The following ADAMTSL1 variants were observed in gnomAD, a reference collection of about 807,000 sequenced individuals.
ADAMTSL1 encodes ADAMTS-like protein 1.
In ADAMTSL1, 126 loss-of-function variants were observed where a neutral mutation model predicts 201.8. The observed-to-expected ratio is 0.62, with a 90% CI of 0.54 to 0.72. The LOEUF (loss-of-function observed/expected upper bound fraction) is 0.72, where lower values mean the gene tolerates loss of function less well. Ranked by LOEUF, ADAMTSL1 falls within the 30% of genes least tolerant of loss-of-function variation. ADAMTSL1 has a pLI of 0.00. For missense variants in ADAMTSL1, 2,679 were observed against 2,277.8 expected, an observed-to-expected ratio of 1.18 and a Z score of -3.59; for synonymous variants, 1,121 against 903.4, an observed-to-expected ratio of 1.24 and a Z score of -4.32.
chr9:18,825,585 A>C (rs993732948), intron 21 of ADAMTSL1, among the ~76,000 whole-genome samples: 1 of 152,088 alleles, frequency 6.6e-6, no homozygotes, highest in Non-Finnish European at 1.5e-5. Context: ...TGCACTTTTT[A>C]TTAAAATATA....
At chr9:18,238,077 G>T (rs1374964213) in intron 2 of ADAMTSL1, among the ~76,000 whole-genome samples, 1 of 152,186 alleles carries the variant, frequency 6.6e-6, no homozygotes, top group East Asian at 1.9e-4. Flanking sequence ...TCTTAAGAAA[G>T]CCACTTTTTG....
chr9:18,434,310 A>T (rs1286743738), intron 2 of ADAMTSL1, among the ~76,000 whole-genome samples: 2 of 152,194 alleles, frequency 1.3e-5, no homozygotes, highest in Admixed American at 1.3e-4. Context: ...AAATGATATT[A>T]TTCCCAGAAG....
intron 14 of ADAMTSL1, among the ~76,000 whole-genome samples, chr9:18,711,089 C>T (rs1022852473): frequency 6.6e-6 from 1 of 152,030 alleles, no homozygotes; most frequent in East Asian, 1.9e-4. Flanking sequence ...GCTGCAGAAG[C>T]CTGAAAATGA....
At chr9:18,617,153 A>G (rs1474844866) in intron 4 of ADAMTSL1, among the ~76,000 whole-genome samples, 1 of 152,230 alleles carries the variant, frequency 6.6e-6, no homozygotes, top group African/African-American at 2.4e-5. Context: ...TGCTAGATTG[A>G]GTTCCTTATG....
At chr9:18,147,326 T>G (rs1826689357) in intron 1 of ADAMTSL1, among the ~76,000 whole-genome samples, 1 of 152,096 alleles carries the variant, frequency 6.6e-6, no homozygotes, top group Non-Finnish European at 1.5e-5. Context: ...AATAGTATAA[T>G]ATTTTAGTTA....
At chr9:18,647,216 G>A (rs960734684) in intron 7 of ADAMTSL1, among the ~76,000 whole-genome samples, 1 of 152,140 alleles carries the variant, frequency 6.6e-6, no homozygotes, top group African/African-American at 2.4e-5. Context: ...TTGTATTTCT[G>A]TGGGATCGGT....
intron 2 of ADAMTSL1, among the ~76,000 whole-genome samples, chr9:18,287,333 A>G (rs1833029498): frequency 1.3e-5 from 2 of 151,182 alleles, no homozygotes; most frequent in South Asian, 4.2e-4. Context: ...ACACACACAC[A>G]CGTGTGTGTA....
chr9:18,827,178 T>A (rs2078453), intron 22 of ADAMTSL1, among the ~76,000 whole-genome samples: 20,378 of 94,554 alleles, frequency 0.22, 1,772 homozygotes, highest in East Asian at 0.52. Context: ...AAAAAAAAAA[T>A]TTTTTTTGGC....
intron 2 of ADAMTSL1, among the ~76,000 whole-genome samples, chr9:18,323,364 A>C (rs753340213): frequency 1.3e-5 from 2 of 152,220 alleles, no homozygotes; most frequent in African/African-American, 4.8e-5. Flanking sequence ...CTTTTGGCAA[A>C]TTAGAAAGAG....
At chr9:18,702,283 A>G (rs1332832273) in intron 13 of ADAMTSL1, among the ~76,000 whole-genome samples, 1 of 152,244 alleles carries the variant, frequency 6.6e-6, no homozygotes, top group African/African-American at 2.4e-5. Context: ...GTTACAGGCC[A>G]TGTAGACATA....
At chr9:18,196,236 G>T (rs1829173448) in intron 2 of ADAMTSL1, among the ~76,000 whole-genome samples, 1 of 151,996 alleles carries the variant, frequency 6.6e-6, no homozygotes, top group South Asian at 2.1e-4. Context: ...CCATTTGGCT[G>T]GGAATTAGAT....
chr9:18,757,295 C>T (rs551985011), intron 16 of ADAMTSL1, among the ~76,000 whole-genome samples: 8 of 152,188 alleles, frequency 5.3e-5, no homozygotes, highest in South Asian at 2.1e-4. Context: ...ATACACTCAT[C>T]ATCATCCTCC....
chr9:18,169,366 C>T (rs1465556900), intron 2 of ADAMTSL1, among the ~76,000 whole-genome samples: 1 of 151,990 alleles, frequency 6.6e-6, no homozygotes, highest in East Asian at 1.9e-4. Context: ...TTCCCAGCAC[C>T]ACTTATTAAA....
At chr9:18,098,306 T>G (rs931305940) in intron 1 of ADAMTSL1, among the ~76,000 whole-genome samples, 4 of 152,168 alleles carry the variant, frequency 2.6e-5, no homozygotes, top group Non-Finnish European at 5.9e-5. Flanking sequence ...CATTTCCATA[T>G]AAGGTTTATA....
chr9:18,776,887 C>T lies in ADAMTSL1; in HGVS notation c.2658C>T (p.Phe886=). The change falls in exon 19 of 29, where the codon TTC becomes TTT. Residue 886 remains phenylalanine (F), a synonymous_variant. Coordinates refer to ENST00000380548, the MANE Select transcript of ADAMTSL1 (RefSeq NM_001040272.6). ...QRKLHFVVGG[F]AYLLPKTAVV... is the part of the protein sequence containing the mutation. ...AGCTGCACTTCGTGGTGGGGGGCTTCGCCTACCTGCTCCCCAAGACGGCGG... is the reference window on the plus strand; with the variant it reads ...AGCTGCACTTCGTGGTGGGGGGCTTTGCCTACCTGCTCCCCAAGACGGCGG... 1 of 1,611,240 alleles carries T rather than the reference C, an allele frequency of 6.2e-7. No homozygotes were observed. The highest frequency in any genetic ancestry group is 8.5e-7 in the Non-Finnish European group (1 of 1,179,166).
At chr9:18,893,169 CA>C (rs1563896299) in intron 26 of ADAMTSL1, among the ~76,000 whole-genome samples, 2 of 152,090 alleles carry the variant, frequency 1.3e-5, no homozygotes, top group East Asian at 1.9e-4. Flanking sequence ...CTCCCTTTGC[CA>C]GGGGGAATAT....
intron 1 of ADAMTSL1, among the ~76,000 whole-genome samples, chr9:18,479,636 C>A (rs1186298267): frequency 6.6e-6 from 1 of 152,062 alleles, no homozygotes; most frequent in Non-Finnish European, 1.5e-5. Context: ...TTATCTGTGC[C>A]ATCGCCCATC....
intron 1 of ADAMTSL1, among the ~76,000 whole-genome samples, chr9:17,962,253 T>C (rs1446679388): frequency 6.6e-6 from 1 of 152,198 alleles, no homozygotes; most frequent in Non-Finnish European, 1.5e-5. Context: ...ACTCTAAAAC[T>C]GGGAGGGCAA....
intron 23 of ADAMTSL1, among the ~76,000 whole-genome samples, chr9:18,880,776 C>G (rs1160268113): frequency 6.6e-6 from 1 of 152,130 alleles, no homozygotes; most frequent in Non-Finnish European, 1.5e-5. Flanking sequence ...TCCTTTGAAG[C>G]TTTGAAGCCA....
Sources: allele counts gnomAD v4.1 joint callset (sites outside exome capture counted in the v4.1 genomes callset), GRCh38; gene constraint gnomAD v4.1.1; transcripts MANE v1.5; gene names NCBI Gene and HGNC (gene_info 2026-07-23, HGNC 2026-07-21).